HMGCS2: variants seen among roughly 807,000 people sequenced by gnomAD.
HMGCS2 encodes 3-hydroxy-3-methylglutaryl-CoA synthase 2.
A neutral mutation model predicts 57.4 loss-of-function variants in HMGCS2; 50 were observed. The observed-to-expected ratio is 0.87, with a 90% CI of 0.69 to 1.10. The LOEUF (loss-of-function observed/expected upper bound fraction) is 1.10, where lower values mean the gene tolerates loss of function less well. Ranked by LOEUF, HMGCS2 falls within the 50% of genes least tolerant of loss-of-function variation. The pLI is 0.00. For synonymous variants in HMGCS2, 254 were observed against 245.1 expected (o/e 1.04, Z -0.34); for missense variants, 627 against 636.5 (o/e 0.99, Z 0.16).
At position 119,766,394 on chromosome 1, in the gene HMGCS2, T is replaced by A. The variant is rs1395017562; in HGVS notation, c.105-1768A>T. On this transcript the variant is annotated intron_variant, in intron 1 of 9. Transcript: ENST00000369406. The stretch of plus-strand genomic sequence containing the variant: ...TACGGGAGCTGGAACTCAGATTGAA[T>A]GTGTCTATCAATCATCTTTGGGATT... 3.9e-5 allele frequency among the ~76,000 whole-genome samples: 6 copies of A among 152,312 alleles called. No individual in the cohort carries two copies. The South Asian group carries it at 1.0e-3, about 26-fold the overall frequency.
At chr1:119,763,832 C>T (rs587711735) in intron 2 of HMGCS2, among the ~76,000 whole-genome samples, 32 of 152,208 alleles carry the variant, frequency 2.1e-4, no homozygotes, top group Admixed American at 4.6e-4. Context: ...GAAACAGGTA[C>T]GGTAAAATAG....
At chr1:119,761,578 A>G (rs1177582550) in intron 2 of HMGCS2, among the ~76,000 whole-genome samples, 1 of 152,176 alleles carries the variant, frequency 6.6e-6, no homozygotes, top group Non-Finnish European at 1.5e-5. Flanking sequence ...ATCCTGGCTA[A>G]CACGGTGAAA....
At chr1:119,765,294 G>C (rs1653190330) in intron 1 of HMGCS2, among the ~76,000 whole-genome samples, 1 of 151,996 alleles carries the variant, frequency 6.6e-6, no homozygotes, top group African/African-American at 2.4e-5. Context: ...ATTTTTAGTA[G>C]AGACAGGGTT....
intron 5 of HMGCS2, 33 bp from the exon 6 acceptor site, chr1:119,755,630 G>A: frequency 1.2e-6 from 2 of 1,610,090 alleles, no homozygotes; most frequent in East Asian, 2.2e-5. Context: ...CATGTGAGAG[G>A]CCAGGGGACG....
chr1:119,760,780 A>G (rs1020083621), intron 2 of HMGCS2, among the ~76,000 whole-genome samples: 9 of 152,184 alleles, frequency 5.9e-5, no homozygotes, highest in Non-Finnish European at 8.8e-5. Flanking sequence ...GGAAGCTCCC[A>G]GTATTCACCC....
intron 1 of HMGCS2, among the ~76,000 whole-genome samples, chr1:119,767,190 C>T (rs1476413081): frequency 1.3e-5 from 2 of 152,124 alleles, no homozygotes. Flanking sequence ...ATGATAAGCA[C>T]ACATATAACC....
chr1:119,755,228 G>A (rs1011290006), intron 6 of HMGCS2, among the ~76,000 whole-genome samples, 199 bp downstream of exon 6: 2 of 152,044 alleles, frequency 1.3e-5, no homozygotes, highest in Non-Finnish European at 1.5e-5. Context: ...GGCGGGTCTC[G>A]AACTCCTAGG....
chr1:119,761,656 T>C (rs1209358067), intron 2 of HMGCS2, among the ~76,000 whole-genome samples: 2 of 151,932 alleles, frequency 1.3e-5, no homozygotes, highest in African/African-American at 4.8e-5. Context: ...TCCCAGCTAC[T>C]CGGGAGGCTG....
chr1:119,757,337 T>C lies in HMGCS2; in HGVS notation c.952A>G (p.Asn318Asp), dbSNP rs1407518921. The C allele has an allele frequency of 6.2e-7, 1 of 1,614,176 alleles. No individual in the cohort carries two copies. The highest frequency in any genetic ancestry group is 1.7e-5 in the Admixed American group (1 of 60,034). Residue 318 changes from asparagine (N) to aspartate (D), a missense_variant, in exon 5 of 10, where the codon AAT becomes GAT. Coordinates refer to ENST00000369406, the MANE Select transcript of HMGCS2 (RefSeq NM_005518.4). Reference protein sequence around the residue: ...VQKSLARLMFNDFLSASSDTQ... With the variant: ...VQKSLARLMFDDFLSASSDTQ... Reference sequence around the variant, plus strand: ...TCACTGCTGGCTGACAGGAAGTCATTGAACATCAGGCGAGCCAGAGACTTC... The same window carrying C: ...TCACTGCTGGCTGACAGGAAGTCATCGAACATCAGGCGAGCCAGAGACTTC...
intron 1 of HMGCS2, among the ~76,000 whole-genome samples, chr1:119,765,298 C>T (rs1416038999): frequency 6.6e-6 from 1 of 152,178 alleles, no homozygotes; most frequent in Non-Finnish European, 1.5e-5. Context: ...TTAGTAGAGA[C>T]AGGGTTTCAC....
intron 2 of HMGCS2, among the ~76,000 whole-genome samples, chr1:119,762,092 T>G (rs1356219519): frequency 6.6e-6 from 1 of 152,206 alleles, no homozygotes; most frequent in Non-Finnish European, 1.5e-5. Flanking sequence ...CATTAAAACT[T>G]TATTTATCAT....
intron 5 of HMGCS2, 91 bp from the exon 6 acceptor site, chr1:119,755,688 T>C (rs921645518): frequency 2.5e-5 from 29 of 1,149,008 alleles, no homozygotes; most frequent in Non-Finnish European, 2.5e-5. Flanking sequence ...GAGAGGACTT[T>C]GGGGCGCATG....
chr1:119,756,524 A>G (rs1477008414), intron 5 of HMGCS2, among the ~76,000 whole-genome samples: 1 of 152,212 alleles, frequency 6.6e-6, no homozygotes, highest in Non-Finnish European at 1.5e-5. Context: ...TTGGTAGCCT[A>G]TTCTACTGTT....
At chr1:119,765,124 T>C (rs1001293749) in intron 1 of HMGCS2, among the ~76,000 whole-genome samples, 2 of 149,984 alleles carry the variant, frequency 1.3e-5, no homozygotes, top group Non-Finnish European at 1.5e-5. Context: ...AGTCTCACTC[T>C]GTCACCCGGA....
chr1:119,752,580 T>C lies in HMGCS2; in HGVS notation c.1389A>G (p.Ile463Met), dbSNP rs1276125317. Residue 463 changes from isoleucine to methionine, a missense_variant, in exon 8 of 10, where the codon ATA becomes ATG. Transcript: ENST00000369406. ...GGTAGAATTGCTCTCTTTGGTTCAT[T>C]ATTTCTGTGAACTCCTCAGGAGACA... ...KCVSPEEFTEIMNQREQFYHK... is the reference protein window; with the variant it reads ...KCVSPEEFTEMMNQREQFYHK... 2 of 1,614,162 alleles carry C rather than the reference T, an allele frequency of 1.2e-6. No individual in the cohort carries two copies. The highest frequency in any genetic ancestry group is 1.7e-6 in the Non-Finnish European group (2 of 1,180,006).
intron 4 of HMGCS2, among the ~76,000 whole-genome samples, chr1:119,758,519 TGAGCC>T (rs1652927525): frequency 6.6e-6 from 1 of 152,190 alleles, no homozygotes; most frequent in African/African-American, 2.4e-5. Context: ...ATTACAGGCG[TGAGCC>T]ACCACTCCCT....
chr1:119,750,986 C>A, intron 8 of HMGCS2, 78 bp from the exon 9 acceptor site: 1 of 873,722 alleles, frequency 1.1e-6, no homozygotes, highest in South Asian at 1.4e-5. Context: ...ATGAAGATGT[C>A]TGCCCCTTCA....
chr1:119,764,178 A>G lies in HMGCS2; in HGVS notation c.553T>C (p.Trp185Arg). 1.9e-6 allele frequency: 3 copies of G among 1,612,722 alleles called. No homozygotes were observed. The highest frequency in any genetic ancestry group is 2.5e-6 in the Non-Finnish European group (3 of 1,179,542). The change falls in exon 2 of 10, where the codon TGG becomes CGG. Residue 185 changes from tryptophan (W) to arginine (R), a missense_variant. Coordinates refer to ENST00000369406, the MANE Select transcript of HMGCS2 (RefSeq NM_005518.4). Reference sequence around the variant, plus strand: ...GGTTCGTGGCCGTACATACCATCCCAGGAACTGGACTCCATCCAGTTGGCA... The same window carrying G: ...GGTTCGTGGCCGTACATACCATCCCGGGAACTGGACTCCATCCAGTTGGCA... ...NAANWMESSS[W>R]DGRYAMVVCG...
chr1:119,760,035 A>G (rs1652989285), intron 2 of HMGCS2, 46 bp from the exon 3 acceptor site: 1 of 1,572,946 alleles, frequency 6.4e-7, no homozygotes, highest in Admixed American at 1.7e-5. Context: ...CCAAATCTAG[A>G]GTAGACTGAG....
Sources: gnomAD v4.1 joint callset for allele counts (sites outside exome capture counted in the v4.1 genomes callset) on GRCh38, gnomAD v4.1.1 for gene constraint, MANE v1.5 for transcripts, NCBI Gene and HGNC (gene_info 2026-07-23, HGNC 2026-07-21) for gene names.